The following BCAS3 variants were observed in gnomAD, a reference collection of about 807,000 sequenced individuals.
The protein encoded by BCAS3 is BCAS4/BCAS3 fusion.
A neutral mutation model predicts 116.1 loss-of-function variants in BCAS3; 53 were observed. That is an observed-to-expected ratio of 0.46 (90% CI 0.37 to 0.57). BCAS3 has a LOEUF of 0.57. Among genes scored for constraint, BCAS3 ranks in the 20% least tolerant of loss-of-function variants. The pLI is 0.00. For synonymous variants in BCAS3, 391 were observed against 408.2 expected (o/e 0.96, Z 0.51); for missense variants, 917 against 1,165.4 (o/e 0.79, Z 3.10).
intron 22 of BCAS3, among the ~76,000 whole-genome samples, chr17:61,357,270 T>TAAATAAATA (rs1568930756): frequency 2.4e-4 from 36 of 147,034 alleles, no homozygotes; most frequent in African/African-American, 8.9e-4. Flanking sequence ...ATAAATAAAT[T>TAAATAAATA]AATTAATTAA....
intron 22 of BCAS3, among the ~76,000 whole-genome samples, chr17:61,242,106 G>A (rs940133675): frequency 3.3e-5 from 5 of 152,006 alleles, no homozygotes; most frequent in South Asian, 2.1e-4. Flanking sequence ...GAGAAACCCC[G>A]TCTCTACTAA....
At chr17:61,230,132 AGT>A (rs1568619967) in intron 22 of BCAS3, among the ~76,000 whole-genome samples, 2 of 97,212 alleles carry the variant, frequency 2.1e-5, no homozygotes, top group Admixed American at 1.3e-4. Context: ...CTCAAAAAAA[AGT>A]GTGTGTATAC....
intron 22 of BCAS3, among the ~76,000 whole-genome samples, chr17:61,108,755 GC>G (rs1173664984): frequency 6.6e-6 from 1 of 151,572 alleles, no homozygotes. Flanking sequence ...TTTATCCTTT[GC>G]CACCCCTCAC....
intron 11 of BCAS3, among the ~76,000 whole-genome samples, chr17:60,904,756 A>G: frequency 6.6e-6 from 1 of 152,182 alleles, no homozygotes; most frequent in Non-Finnish European, 1.5e-5. Context: ...TTGCTTGAGC[A>G]TTGGAGGCCG....
In BCAS3 at chr17:60,960,975, C is replaced by T. The variant is rs1321911726; in HGVS notation, c.1221+13623C>T. Among the ~76,000 whole-genome samples the T allele has an allele frequency of 6.6e-6, 1 of 151,956 alleles. No individual in the cohort carries two copies. Among genetic ancestry groups the T allele is most frequent in the Non-Finnish European group, 1.5e-5 (1 of 68,010 alleles). On this transcript the variant is annotated intron_variant, in intron 14 of 23. Coordinates refer to ENST00000407086, the MANE Select transcript of BCAS3 (RefSeq NM_017679.5). The surrounding 1 kb of genome is among the most constrained non-coding windows in gnomAD (Gnocchi z 4.1). ...CTGGCTTCTGCTGATTGAGTGGATC[C>T]ATGAAACACATGCCTGATGTCTTCA...
At chr17:61,268,238 CTG>C (rs1242901031) in intron 22 of BCAS3, among the ~76,000 whole-genome samples, 7 of 152,138 alleles carry the variant, frequency 4.6e-5, no homozygotes, top group Non-Finnish European at 1.0e-4. Context: ...GACATAGACT[CTG>C]TGTTTAATGT....
chr17:60,913,930 G>A (rs1035755739), intron 12 of BCAS3, among the ~76,000 whole-genome samples: 1 of 152,112 alleles, frequency 6.6e-6, no homozygotes, highest in Non-Finnish European at 1.5e-5. Context: ...AAGTTAAGTG[G>A]TATAATTTGC....
intron 6 of BCAS3, among the ~76,000 whole-genome samples, chr17:60,776,495 C>T (rs952084310): frequency 4.6e-5 from 7 of 151,864 alleles, no homozygotes; most frequent in East Asian, 1.9e-4. Flanking sequence ...CCGAGGCTGG[C>T]GGATCACAAG....
Position 61,163,545 on chromosome 17 carries a change from A to G in BCAS3, c.2425+78981A>G, listed in dbSNP as rs2078294968. ...AACACCTGAATGACCAAGATACTTT[A>G]GATCTGAAGTATAATTACAGTATGT... is the stretch of plus-strand genomic sequence containing the variant. On this transcript the variant is annotated intron_variant, in intron 22 of 23. Coordinates refer to ENST00000407086, the MANE Select transcript of BCAS3 (RefSeq NM_017679.5). Among the ~76,000 whole-genome samples the G allele has an allele frequency of 2.0e-5, 3 of 152,176 alleles. No individual in the cohort carries two copies. In the South Asian group the frequency reaches 6.2e-4, roughly 31 times the overall value.
intron 22 of BCAS3, among the ~76,000 whole-genome samples, chr17:61,232,047 A>T (rs2082713919): frequency 6.6e-6 from 1 of 150,618 alleles, no homozygotes; most frequent in African/African-American, 2.5e-5. Context: ...TGTACTAAAA[A>T]TACAAAAATT....
rs930673528 is a variant in BCAS3, at chr17:61,344,049, A to G, written c.2426-24278A>G. Among the ~76,000 whole-genome samples the G allele has an allele frequency of 4.6e-5, 7 of 152,180 alleles. No individual in the cohort carries two copies. Among genetic ancestry groups the G allele is most frequent in the African/African-American group, 1.7e-4 (7 of 41,448 alleles). ...GAGTGTGCTGAGACAGGCAAGAGTCAGTAATAAGATCAGAGAGTAGAAGAC... is the reference window on the plus strand; with the variant it reads ...GAGTGTGCTGAGACAGGCAAGAGTCGGTAATAAGATCAGAGAGTAGAAGAC... On this transcript the variant is annotated intron_variant, in intron 22 of 23. Coordinates refer to ENST00000407086, the MANE Select transcript of BCAS3 (RefSeq NM_017679.5). This position sits in a 1 kb window ranked among gnomAD's most constrained non-coding sequence, Gnocchi z 4.1.
chr17:61,080,025 C>A (rs917766366), intron 21 of BCAS3, among the ~76,000 whole-genome samples: 4 of 151,606 alleles, frequency 2.6e-5, no homozygotes, highest in African/African-American at 9.7e-5. Flanking sequence ...CTACCTCAAC[C>A]TCCTGAGTAG....
At chr17:61,179,860 TTC>T (rs965020635) in intron 22 of BCAS3, among the ~76,000 whole-genome samples, 2 of 146,954 alleles carry the variant, frequency 1.4e-5, no homozygotes, top group Non-Finnish European at 1.5e-5. Context: ...ATCACTGTTT[TTC>T]TCTCTCTCTC....
At chr17:60,920,850 A>G (rs2059035852) in intron 12 of BCAS3, among the ~76,000 whole-genome samples, 2 of 151,332 alleles carry the variant, frequency 1.3e-5, no homozygotes, top group Non-Finnish European at 2.9e-5. Context: ...AGCCTGGGCG[A>G]CAGAGCAAGA....
rs1160768589 is a variant in BCAS3, at chr17:61,068,143, A to G, written c.2030-6777A>G. Among the ~76,000 whole-genome samples, 1 of 152,220 alleles carries G rather than the reference A, an allele frequency of 6.6e-6. No individual in the cohort carries two copies. Among genetic ancestry groups the G allele is most frequent in the Non-Finnish European group, 1.5e-5 (1 of 68,036 alleles). Reference sequence around the variant, plus strand: ...ACAGTTGGTAAATATAAAAGATACTAAACATTTTTCTTTAGGGTAGCTATT... The same window carrying G: ...ACAGTTGGTAAATATAAAAGATACTGAACATTTTTCTTTAGGGTAGCTATT... On this transcript the variant is annotated intron_variant, in intron 19 of 23. Coordinates refer to ENST00000407086, the MANE Select transcript of BCAS3 (RefSeq NM_017679.5). This position sits in a 1 kb window ranked among gnomAD's most constrained non-coding sequence, Gnocchi z 4.3.
At chr17:60,762,069 G>T (rs1598523612) in intron 6 of BCAS3, among the ~76,000 whole-genome samples, 1 of 151,974 alleles carries the variant, frequency 6.6e-6, no homozygotes, top group South Asian at 2.1e-4. Flanking sequence ...TTTTTTTCTT[G>T]TAAACTTGTT....
At chr17:61,036,583 C>T (rs1193546446) in intron 17 of BCAS3, among the ~76,000 whole-genome samples, 1 of 152,100 alleles carries the variant, frequency 6.6e-6, no homozygotes, top group African/African-American at 2.4e-5. Context: ...TCCTTTATGT[C>T]CCTCTGGCTG....
chr17:61,305,660 C>G (rs1235791682), intron 22 of BCAS3, among the ~76,000 whole-genome samples: 1 of 152,212 alleles, frequency 6.6e-6, no homozygotes, highest in South Asian at 2.1e-4. Flanking sequence ...CTCTGGGAGG[C>G]TGAGGCGGGC....
At chr17:60,725,910 T>A (rs1456967371) in intron 5 of BCAS3, among the ~76,000 whole-genome samples, 1 of 152,184 alleles carries the variant, frequency 6.6e-6, no homozygotes, top group Non-Finnish European at 1.5e-5. Context: ...TGTTGTTGTT[T>A]TTGAGACGGA....
Sources: allele counts gnomAD v4.1 joint callset (sites outside exome capture counted in the v4.1 genomes callset), GRCh38; gene constraint gnomAD v4.1.1; non-coding constraint Gnocchi (gnomAD v3.1); transcripts MANE v1.5; gene names NCBI Gene and HGNC (gene_info 2026-07-23, HGNC 2026-07-21).